KIAA1217: variants seen among roughly 807,000 people sequenced by gnomAD.
The protein encoded by KIAA1217 is KIAA1217, also known as sickle tail protein homolog.
A neutral mutation model predicts 163.9 loss-of-function variants in KIAA1217; 88 were observed. The observed-to-expected ratio is 0.54, with a 90% CI of 0.45 to 0.64. The LOEUF (loss-of-function observed/expected upper bound fraction) is 0.64, where lower values mean the gene tolerates loss of function less well. Among genes scored for constraint, KIAA1217 ranks in the 30% least tolerant of loss-of-function variants. The pLI, the probability that KIAA1217 is intolerant of heterozygous loss-of-function variation, is 0.00. For synonymous variants in KIAA1217, 903 were observed against 923.1 expected (o/e 0.98, Z 0.39); for missense variants, 2,372 against 2,475.0 (o/e 0.96, Z 0.88).
chr10:24,486,049 G>A (rs2065353617), intron 6 of KIAA1217, among the ~76,000 whole-genome samples: 1 of 152,244 alleles, frequency 6.6e-6, no homozygotes, highest in Non-Finnish European at 1.5e-5. Context: ...CCAGAGAACA[G>A]TAAGATCTGT....
At chr10:24,015,036 T>C (rs1847411585) in intron 2 of KIAA1217, among the ~76,000 whole-genome samples, 1 of 152,136 alleles carries the variant, frequency 6.6e-6, no homozygotes, top group Non-Finnish European at 1.5e-5. Flanking sequence ...AGCATGTAGT[T>C]ATCAAAATTG....
At position 24,513,328 on chromosome 10, in the gene KIAA1217, G is replaced by A; in HGVS notation, c.2071G>A (p.Glu691Lys). The change falls in exon 10 of 21, where the codon GAA (glutamate) becomes AAA (lysine). Residue 691 changes from glutamate (E) to lysine (K), a missense_variant. This residue lies in a region of KIAA1217 where 1,431 missense variants were observed against 1,470.3 expected (regional missense o/e 0.97). Coordinates refer to ENST00000376454, the MANE Select transcript of KIAA1217 (RefSeq NM_019590.5). ...GCTGGAAATCAGTGGCAAAGTGATG[G>A]AAACAATGAAGAGACTGGAGGATCC... is the stretch of plus-strand genomic sequence containing the variant. ...AELEISGKVM[E>K]TMKRLEDPVQ... 6.2e-7 allele frequency: 1 copy of A among 1,614,162 alleles called. No homozygotes were observed. Among genetic ancestry groups the A allele is most frequent in the Non-Finnish European group, 8.5e-7 (1 of 1,180,016 alleles).
At chr10:23,855,567 G>T (rs1839611905) in intron 1 of KIAA1217, among the ~76,000 whole-genome samples, 2 of 152,174 alleles carry the variant, frequency 1.3e-5, no homozygotes, top group Non-Finnish European at 2.9e-5. Flanking sequence ...GGCCTGCCTT[G>T]CTAGATTGGG....
At chr10:24,210,935 G>A (rs942034599) in intron 1 of KIAA1217, among the ~76,000 whole-genome samples, 9 of 139,916 alleles carry the variant, frequency 6.4e-5, no homozygotes, top group South Asian at 5.3e-4. Flanking sequence ...TCAGGTAAAC[G>A]GTGAATTTTT....
chr10:24,232,560 T>A (rs1244174117), intron 2 of KIAA1217, among the ~76,000 whole-genome samples: 1 of 151,946 alleles, frequency 6.6e-6, no homozygotes, highest in Admixed American at 6.6e-5. Flanking sequence ...ACCTGGAAAG[T>A]GGTAGTCAGC....
chr10:23,907,719 C>T (rs74863955), intron 1 of KIAA1217, among the ~76,000 whole-genome samples: 5 of 152,078 alleles, frequency 3.3e-5, no homozygotes, highest in East Asian at 1.9e-4. Context: ...CCGACTCAAA[C>T]GTCAATGTCT....
At position 24,361,152 on chromosome 10, in the gene KIAA1217, A is replaced by G. The variant is rs1256896677; in HGVS notation, c.355-19717A>G. Among the ~76,000 whole-genome samples the G allele has an allele frequency of 1.1e-4, 17 of 150,672 alleles. No homozygotes were observed. The East Asian group carries it at 3.3e-3, about 29-fold the overall frequency. ...CATAGACTCAAAGGAAAGAAACCAC[A>G]TGCCACAAGCACATGCCATTTTTTT... On this transcript the variant is annotated intron_variant, in intron 2 of 20. Coordinates refer to ENST00000376454, the MANE Select transcript of KIAA1217 (RefSeq NM_019590.5).
intron 17 of KIAA1217, chr10:24,542,398 G>C (rs2075224127): frequency 1.7e-6 from 1 of 582,954 alleles, no homozygotes; most frequent in Admixed American, 3.7e-5. Flanking sequence ...TTGAAAAGAG[G>C]ACATGTTAGT....
chr10:24,353,035 A>G (rs1277709866), intron 2 of KIAA1217, among the ~76,000 whole-genome samples: 1 of 151,944 alleles, frequency 6.6e-6, no homozygotes, highest in African/African-American at 2.4e-5. Flanking sequence ...ATCCCTCTAC[A>G]TCAGCTTTAG....
intron 2 of KIAA1217, among the ~76,000 whole-genome samples, chr10:24,053,143 G>T (rs1267716219): frequency 6.6e-6 from 1 of 152,090 alleles, no homozygotes; most frequent in Non-Finnish European, 1.5e-5. Context: ...GTGCAATTTT[G>T]TTCCCCGTGT....
intron 1 of KIAA1217, among the ~76,000 whole-genome samples, chr10:23,696,809 A>G (rs916689000): frequency 1.3e-5 from 2 of 152,258 alleles, no homozygotes; most frequent in African/African-American, 4.8e-5. Flanking sequence ...ACTGTCATTC[A>G]TCTTTGATTC....
chr10:23,917,915 C>T (rs919744134), intron 1 of KIAA1217, among the ~76,000 whole-genome samples: 2 of 151,996 alleles, frequency 1.3e-5, no homozygotes, highest in African/African-American at 2.4e-5. Context: ...TATGTATGTT[C>T]GTATAGAGAG....
Position 24,466,756 on chromosome 10 carries a change from G to A in KIAA1217, c.847-6472G>A, listed in dbSNP as rs140236266. 7.6e-5 allele frequency: 75 copies of A among 985,430 alleles called. No individual in the cohort carries two copies. The Middle Eastern group carries it at 2.6e-3, about 34-fold the overall frequency. The allele number at this position is 985,430 out of a possible 1,614,324, so 61.0% of individuals were successfully genotyped here. A position where few individuals can be genotyped will look rare whatever the true frequency, so the allele number is the denominator to read the frequency against. On this transcript the variant is annotated intron_variant, in intron 5 of 20. Coordinates refer to ENST00000376454, the MANE Select transcript of KIAA1217 (RefSeq NM_019590.5). The stretch of plus-strand genomic sequence containing the variant: ...GACCTGAGCGAATGTGCTTACTCAC[G>A]GCGTTAGTTACACAGGTGATTTCCT...
chr10:23,712,293 C>T (rs1276053769), intron 1 of KIAA1217, among the ~76,000 whole-genome samples: 1 of 152,000 alleles, frequency 6.6e-6, no homozygotes, highest in Non-Finnish European at 1.5e-5. Flanking sequence ...CACCTGCATT[C>T]CCCTCACCAA....
At chr10:24,284,352 G>A (rs1166809632) in intron 2 of KIAA1217, among the ~76,000 whole-genome samples, 1 of 152,106 alleles carries the variant, frequency 6.6e-6, no homozygotes, top group Admixed American at 6.5e-5. Context: ...GCACTCAATA[G>A]GAAGTTTTTC....
rs778185120 is a variant in KIAA1217, at chr10:23,934,557, GTATATATATATA to G, written c.-320-72646_-320-72635del. Among the ~76,000 whole-genome samples the G allele has an allele frequency of 1.1e-3, 47 of 44,338 alleles. 1 individual carries two copies. Among genetic ancestry groups the G allele is most frequent in the Admixed American group, 4.6e-3 (15 of 3,270 alleles). The allele number at this position is 44,338 out of a possible 152,430, so 29.1% of individuals were successfully genotyped here. On this transcript the variant is annotated intron_variant, in intron 1 of 18. Transcript: ENST00000376462. ...AAAAATATATTAAGTGGTCTTTAAA[GTATATATATATA>G]TATATATATATATATATATATGTAT... is the stretch of plus-strand genomic sequence containing the variant.
chr10:24,209,834 T>G (rs554119399), intron 1 of KIAA1217, among the ~76,000 whole-genome samples: 1 of 152,248 alleles, frequency 6.6e-6, no homozygotes, highest in Non-Finnish European at 1.5e-5. Flanking sequence ...AATTCAAAAC[T>G]TGGGAGTTGT....
In KIAA1217 at chr10:24,358,773, C is replaced by T. The variant is rs560273913; in HGVS notation, c.355-22096C>T. Among the ~76,000 whole-genome samples, 19 of 152,276 alleles carry T rather than the reference C, an allele frequency of 1.2e-4. No homozygotes were observed. In the East Asian group the frequency reaches 3.7e-3, roughly 29 times the overall value. The stretch of plus-strand genomic sequence containing the variant: ...TTGTTTTTTGTTTGTTTATTTTTTG[C>T]ATTGCAATGGCAAGGTCATAGAAAT... On this transcript the variant is annotated intron_variant, in intron 2 of 20. Coordinates refer to ENST00000376454, the MANE Select transcript of KIAA1217 (RefSeq NM_019590.5).
intron 2 of KIAA1217, among the ~76,000 whole-genome samples, chr10:24,132,272 C>T (rs186803691): frequency 3.8e-4 from 58 of 151,876 alleles, no homozygotes; most frequent in African/African-American, 5.1e-4. Context: ...GGCTGAAAGA[C>T]GAAAAGAAAA....
Sources: gnomAD v4.1 joint callset for allele counts (sites outside exome capture counted in the v4.1 genomes callset) on GRCh38, gnomAD v4.1.1 for gene constraint, gnomAD v4.1.1 regional missense constraint, MANE v1.5 for transcripts, NCBI Gene and HGNC (gene_info 2026-07-23, HGNC 2026-07-21) for gene names.